Variants in CYP3A43 observed in about 807,000 individuals in gnomAD.
CYP3A43 encodes cytochrome P450 family 3 subfamily A member 43.
In CYP3A43, 45 loss-of-function variants were observed where a neutral mutation model predicts 58.0. The ratio of observed to expected loss-of-function variants is 0.78; its 90% CI spans 0.61 to 0.99. The LOEUF is 0.99. CYP3A43 is among the 50% of genes least tolerant of loss of function. The probability of loss-of-function intolerance (pLI) is 0.00; values close to 1 mark genes in which losing one functional copy is unlikely to be tolerated. For missense variants in CYP3A43, 593 were observed against 591.9 expected (o/e 1.00, Z -0.02); for synonymous variants, 191 against 201.4 (o/e 0.95, Z 0.44).
intron 9 of CYP3A43, among the ~76,000 whole-genome samples, chr7:99,857,869 A>T (rs540493950): frequency 1.3e-5 from 2 of 152,172 alleles, no homozygotes; most frequent in Admixed American, 1.3e-4. Flanking sequence ...AAATAAAATA[A>T]GTAAAAATAA....
At chr7:99,865,804 G>T in intron 12 of CYP3A43, 102 bp from the exon 13 acceptor site, 1 of 703,622 alleles carries the variant, frequency 1.4e-6, no homozygotes. Flanking sequence ...TTTTTTTTTA[G>T]TCATTGCAAA....
intron 2 of CYP3A43, among the ~76,000 whole-genome samples, chr7:99,837,490 A>G (rs920559305): frequency 5.9e-5 from 9 of 152,152 alleles, no homozygotes; most frequent in African/African-American, 2.2e-4. Context: ...TGTATTTTAC[A>G]GATTTGAGAG....
intron 10 of CYP3A43, among the ~76,000 whole-genome samples, chr7:99,860,238 C>T (rs148538860): frequency 2.7e-4 from 41 of 152,332 alleles, no homozygotes; most frequent in Non-Finnish European, 5.0e-4. Context: ...AGCAACATAA[C>T]ACCAAGTAAA....
rs1777727587 is a variant in CYP3A43, at chr7:99,828,151, G to A, written c.36G>A (p.Trp12Ter). The A allele has an allele frequency of 1.2e-6, 2 of 1,612,766 alleles. No individual in the cohort carries two copies. Among genetic ancestry groups the A allele is most frequent in the East Asian group, 2.2e-5 (1 of 44,888 alleles). Residue 12 changes from tryptophan to a stop codon, truncating the protein, a stop_gained, in exon 1 of 13, where the codon TGG becomes TGA. Coordinates refer to ENST00000354829, the MANE Select transcript of CYP3A43 (RefSeq NM_057095.3). LOFTEE classifies it high-confidence loss of function. ...DLIPNFAMET[W>*]VLVATSLVLL... ...TTCCAAACTTTGCCATGGAAACATG[G>A]GTTCTTGTGGCTACCAGCCTGGTAC...
intron 9 of CYP3A43, among the ~76,000 whole-genome samples, chr7:99,859,340 T>A (rs376240705): frequency 4.9e-4 from 74 of 152,302 alleles, no homozygotes; most frequent in African/African-American, 1.7e-3. Context: ...CCCGCAAACA[T>A]GCTTAGAGAA....
intron 12 of CYP3A43, among the ~76,000 whole-genome samples, chr7:99,864,238 C>T (rs1008773193): frequency 6.7e-6 from 1 of 148,668 alleles, no homozygotes; most frequent in African/African-American, 2.6e-5. Flanking sequence ...CATTGGTCCT[C>T]ATGTGAAGCC....
chr7:99,850,276 T>C (rs116207603), intron 7 of CYP3A43, among the ~76,000 whole-genome samples: 1,693 of 151,438 alleles, frequency 0.011, 35 homozygotes, highest in African/African-American at 0.039. Flanking sequence ...CTTTCTTTCT[T>C]TTTTTAAACA....
In CYP3A43 at chr7:99,847,376, A is replaced by G. The variant is rs919209489; in HGVS notation, c.319-112A>G. 35 of 1,066,086 alleles carry G rather than the reference A, an allele frequency of 3.3e-5. No homozygotes were observed. In the African/African-American group the frequency reaches 4.8e-4, roughly 15 times the overall value. The allele number at this position is 1,066,086 out of a possible 1,614,324, so 66.0% of individuals were successfully genotyped here. ...TCTAGTATAGAGCCTGCCACCCAGT[A>G]GATAGTTACTAAATATTTGTTAAAT... On this transcript the variant is annotated intron_variant, in intron 4 of 12. Coordinates refer to ENST00000354829, the MANE Select transcript of CYP3A43 (RefSeq NM_057095.3).
chr7:99,851,787 T>C (rs1186543795), intron 7 of CYP3A43, among the ~76,000 whole-genome samples: 3 of 152,248 alleles, frequency 2.0e-5, no homozygotes, highest in Non-Finnish European at 4.4e-5. Context: ...TTCTTTGAAC[T>C]TCTTTGAACT....
intron 1 of CYP3A43, among the ~76,000 whole-genome samples, chr7:99,829,522 A>C (rs1334275365): frequency 6.6e-6 from 1 of 152,210 alleles, no homozygotes. Flanking sequence ...GAGAAATTGC[A>C]ACAACTTAAA....
intron 3 of CYP3A43, among the ~76,000 whole-genome samples, chr7:99,842,090 G>T (rs1244769977): frequency 6.6e-6 from 1 of 152,054 alleles, no homozygotes; most frequent in Non-Finnish European, 1.5e-5. Context: ...TTAATTAAAA[G>T]ATCAAATTTT....
intron 8 of CYP3A43, 125 bp downstream of exon 8, chr7:99,855,843 GT>G (rs1441568786): frequency 9.2e-7 from 1 of 1,091,520 alleles, no homozygotes; most frequent in African/African-American, 1.6e-5. Context: ...GACCAAGAGG[GT>G]TTTTACATTT....
intron 1 of CYP3A43, among the ~76,000 whole-genome samples, chr7:99,834,500 C>T (rs1413472311): frequency 6.6e-6 from 1 of 152,218 alleles, no homozygotes; most frequent in Non-Finnish European, 1.5e-5. Context: ...TTGTTTCTAA[C>T]ACACATTCCC....
chr7:99,855,378 T>C (rs1244523322), intron 7 of CYP3A43: 2 of 497,746 alleles, frequency 4.0e-6, no homozygotes, highest in Non-Finnish European at 7.0e-6. Context: ...ACTGCTATAG[T>C]GGAGGCCCCT....
intron 6 of CYP3A43, among the ~76,000 whole-genome samples, chr7:99,848,758 T>G (rs974309445): frequency 4.6e-5 from 7 of 152,186 alleles, no homozygotes; most frequent in Non-Finnish European, 1.0e-4. Flanking sequence ...AATCTTAAAT[T>G]TTAAAAGACT....
chr7:99,843,807 T>C (rs1817434875), intron 3 of CYP3A43, among the ~76,000 whole-genome samples: 1 of 152,158 alleles, frequency 6.6e-6, no homozygotes, highest in Non-Finnish European at 1.5e-5. Context: ...TTATGGAGAA[T>C]GGTATAGGGA....
chr7:99,837,022 T>C (rs1026379126), intron 2 of CYP3A43, among the ~76,000 whole-genome samples: 1 of 151,960 alleles, frequency 6.6e-6, no homozygotes, highest in African/African-American at 2.4e-5. Flanking sequence ...ATTCAGTTCA[T>C]TGGCTGGGCG....
At chr7:99,846,388 A>G (rs1660488608) in intron 4 of CYP3A43, among the ~76,000 whole-genome samples, 1 of 152,144 alleles carries the variant, frequency 6.6e-6, no homozygotes. Context: ...TCAGATAGTC[A>G]TTGTTATGGC....
At chr7:99,856,782 C>T in intron 8 of CYP3A43, 51 bp from the exon 9 acceptor site, 1 of 1,598,508 alleles carries the variant, frequency 6.3e-7, no homozygotes, top group Non-Finnish European at 8.6e-7. Flanking sequence ...TGATTCACTT[C>T]TGACTTCACA....
Sources: allele counts gnomAD v4.1 joint callset (sites outside exome capture counted in the v4.1 genomes callset), GRCh38; gene constraint gnomAD v4.1.1; transcripts MANE v1.5; gene names NCBI Gene and HGNC (gene_info 2026-07-23, HGNC 2026-07-21).